Variants in CFAP70 observed in about 807,000 individuals in gnomAD.
CFAP70 encodes cilia and flagella associated protein 70, also known as cilia- and flagella-associated protein 70.
A neutral mutation model predicts 137.6 loss-of-function variants in CFAP70; 81 were observed. The ratio of observed to expected loss-of-function variants is 0.59; its 90% CI spans 0.49 to 0.71. CFAP70 has a LOEUF of 0.71. Among genes scored for constraint, CFAP70 ranks in the 30% least tolerant of loss-of-function variants. The pLI is 0.00. For missense variants in CFAP70, 976 were observed against 1,226.7 expected (o/e 0.80, Z 3.05); for synonymous variants, 382 against 423.6 (o/e 0.90, Z 1.20).
chr10:73,348,300 G>C (rs746325671), intron 4 of CFAP70, 65 bp from the exon 5 acceptor site: 2 of 1,560,896 alleles, frequency 1.3e-6, no homozygotes, highest in South Asian at 2.2e-5. Flanking sequence ...TGCAGGCAGA[G>C]ATAAATGTGC....
intron 6 of CFAP70, among the ~76,000 whole-genome samples, chr10:73,336,343 TAAATTA>T (rs2052660342): frequency 6.6e-6 from 1 of 152,124 alleles, no homozygotes; most frequent in African/African-American, 2.4e-5. Flanking sequence ...ATGTCTGATC[TAAATTA>T]AAATATAAAT....
chr10:73,321,220 C>T (rs563544414), intron 9 of CFAP70, among the ~76,000 whole-genome samples: 1 of 152,060 alleles, frequency 6.6e-6, no homozygotes, highest in East Asian at 1.9e-4. Context: ...AGTTTAAGAC[C>T]AGCCTGTCTA....
chr10:73,294,816 C>T (rs538785063), intron 15 of CFAP70: 2 of 152,184 alleles, frequency 1.3e-5, no homozygotes, highest in Non-Finnish European at 2.9e-5. Context: ...TCTATTGTAT[C>T]GCTTTCTTTT....
intron 7 of CFAP70, 136 bp from the exon 9 acceptor site, chr10:73,331,412 G>A: frequency 1.5e-6 from 1 of 671,312 alleles, no homozygotes; most frequent in Non-Finnish European, 2.4e-6. Flanking sequence ...CGGCTCAGTG[G>A]CTCATGCCTG....
intron 8 of CFAP70, among the ~76,000 whole-genome samples, chr10:73,327,660 A>G (rs372487483): frequency 6.6e-6 from 1 of 151,970 alleles, no homozygotes; most frequent in Non-Finnish European, 1.5e-5. Context: ...CAAAATCAAT[A>G]TGCAAAAATC....
At chr10:73,264,264 T>C (rs1002533544) in intron 25 of CFAP70, among the ~76,000 whole-genome samples, 4 of 152,226 alleles carry the variant, frequency 2.6e-5, no homozygotes, top group Admixed American at 2.6e-4. Flanking sequence ...ACTGGACAAA[T>C]GCCCTAGTTT....
chr10:73,255,654 G>A (rs1004473739), intron 26 of CFAP70, among the ~76,000 whole-genome samples: 3 of 150,642 alleles, frequency 2.0e-5, no homozygotes, highest in African/African-American at 4.9e-5. Flanking sequence ...TTTTTGAGAC[G>A]GAGCCTCAGC....
chr10:73,282,773 A>G (rs2047357665), intron 19 of CFAP70, among the ~76,000 whole-genome samples: 1 of 151,506 alleles, frequency 6.6e-6, no homozygotes, highest in Non-Finnish European at 1.5e-5. Flanking sequence ...TCATTAGAGG[A>G]ATATTTAGAT....
intron 7 of CFAP70, among the ~76,000 whole-genome samples, chr10:73,332,974 T>C (rs2052274062): frequency 6.6e-6 from 1 of 152,070 alleles, no homozygotes; most frequent in African/African-American, 2.4e-5. Flanking sequence ...AATTATCAGA[T>C]AGGAAATGTA....
chr10:73,287,852 CATCTATCTATCTATCTATCT>C (rs72556802), intron 19 of CFAP70, among the ~76,000 whole-genome samples: 2 of 145,858 alleles, frequency 1.4e-5, no homozygotes. Context: ...TGCATTTTAA[CATCTATCTATCTATCTATCT>C]ATCTATCTAT....
intron 2 of CFAP70, 85 bp downstream of exon 2, chr10:73,354,649 G>A: frequency 9.3e-7 from 1 of 1,076,254 alleles, no homozygotes; most frequent in Non-Finnish European, 1.4e-6. Flanking sequence ...AGGAGGTTTG[G>A]AGGTAGAGAA....
upstream of CFAP70, among the ~76,000 whole-genome samples, chr10:73,359,692 G>A (rs983594760): frequency 3.3e-5 from 5 of 152,194 alleles, no homozygotes; most frequent in African/African-American, 1.2e-4. Flanking sequence ...TCAGGCAGGA[G>A]TCTTCAATGG....
intron 26 of CFAP70, among the ~76,000 whole-genome samples, chr10:73,255,811 CT>C (rs2044430227): frequency 1.3e-5 from 2 of 152,090 alleles, no homozygotes; most frequent in African/African-American, 4.8e-5. Context: ...TCCCAAAGTG[CT>C]GGGATTACAG....
At chr10:73,352,698 G>C (rs1001170872) in intron 3 of CFAP70, among the ~76,000 whole-genome samples, 1 of 152,258 alleles carries the variant, frequency 6.6e-6, no homozygotes, top group Admixed American at 6.5e-5. Flanking sequence ...ATAGAGAAAA[G>C]TACATCTATT....
chr10:73,347,386 C>A (rs78717220), intron 4 of CFAP70, among the ~76,000 whole-genome samples: 3 of 151,946 alleles, frequency 2.0e-5, no homozygotes, highest in African/African-American at 4.8e-5. Flanking sequence ...TGTAACTATC[C>A]AAGTGAGAGG....
chr10:73,323,796 G>T (rs1253583078), intron 8 of CFAP70, among the ~76,000 whole-genome samples: 4 of 152,212 alleles, frequency 2.6e-5, no homozygotes, highest in Non-Finnish European at 5.9e-5. Flanking sequence ...CATTGCCCAG[G>T]CTTGCTTAGG....
intron 1 of CFAP70, among the ~76,000 whole-genome samples, chr10:73,356,900 T>C (rs576361058): frequency 1.3e-5 from 2 of 152,194 alleles, no homozygotes; most frequent in Admixed American, 1.3e-4. Flanking sequence ...GAATTGCTCA[T>C]TGAAAAAACT....
intron 12 of CFAP70, among the ~76,000 whole-genome samples, chr10:73,302,719 T>C (rs561163365): frequency 1.3e-5 from 2 of 152,282 alleles, no homozygotes; most frequent in Admixed American, 6.5e-5. Flanking sequence ...GGAAATAGTT[T>C]AGTTTCTTTT....
chr10:73,284,669 GT>G (rs1170218298), intron 19 of CFAP70, among the ~76,000 whole-genome samples: 3 of 108,882 alleles, frequency 2.8e-5, no homozygotes, highest in Admixed American at 9.9e-5. Flanking sequence ...TGTAATTGTG[GT>G]TTTTTTTTAA....
Sources: allele counts gnomAD v4.1 joint callset (sites outside exome capture counted in the v4.1 genomes callset), GRCh38; gene constraint gnomAD v4.1.1; transcripts MANE v1.5; gene names NCBI Gene and HGNC (gene_info 2026-07-23, HGNC 2026-07-21).